Variants in MACROD2 observed in about 807,000 individuals in gnomAD.
MACROD2 encodes the protein mono-ADP ribosylhydrolase 2.
A neutral mutation model predicts 70.4 loss-of-function variants in MACROD2; 36 were observed. The observed-to-expected ratio is 0.51, with a 90% CI of 0.39 to 0.68. The LOEUF (loss-of-function observed/expected upper bound fraction) is 0.68. MACROD2 is among the 30% of genes least tolerant of loss of function. MACROD2 has a pLI of 0.00. For missense variants in MACROD2, 496 were observed against 538.4 expected, an observed-to-expected ratio of 0.92 and a Z score of 0.78; for synonymous variants, 172 against 178.8, an observed-to-expected ratio of 0.96 and a Z score of 0.30.
At chr20:14,588,857 T>C (rs543805466) in intron 4 of MACROD2, among the ~76,000 whole-genome samples, 20 of 152,354 alleles carry the variant, frequency 1.3e-4, no homozygotes, top group African/African-American at 4.6e-4. Context: ...TCACAGCTTT[T>C]GATATGTTTC....
intron 5 of MACROD2, among the ~76,000 whole-genome samples, chr20:14,752,465 CT>C (rs1174471630): frequency 2.0e-5 from 3 of 151,954 alleles, no homozygotes; most frequent in Non-Finnish European, 4.4e-5. Flanking sequence ...TGGAATGTAT[CT>C]GCTTCTTTCT....
At chr20:14,958,392 G>C (rs1392355155) in intron 5 of MACROD2, among the ~76,000 whole-genome samples, 2 of 152,158 alleles carry the variant, frequency 1.3e-5, no homozygotes, top group Non-Finnish European at 1.5e-5. Context: ...TTTCCGTTCA[G>C]ATTTCTTCTT....
At chr20:15,484,042 C>CTTTTATTTTATTTTA (rs3071258) in intron 7 of MACROD2, among the ~76,000 whole-genome samples, 19,213 of 136,184 alleles carry the variant, frequency 0.14, 1,553 homozygotes, top group South Asian at 0.23. Flanking sequence ...ATCATTATGC[C>CTTTTATTTTATTTTA]TTTTATTTTA....
At chr20:14,377,230 T>C (rs1276843029) in intron 3 of MACROD2, among the ~76,000 whole-genome samples, 1 of 152,220 alleles carries the variant, frequency 6.6e-6, no homozygotes, top group South Asian at 2.1e-4. Flanking sequence ...TAGCTTGTAC[T>C]CTTATTGCTA....
intron 4 of MACROD2, among the ~76,000 whole-genome samples, chr20:14,642,960 C>T (rs946256698): frequency 3.3e-5 from 5 of 151,310 alleles, no homozygotes; most frequent in African/African-American, 1.2e-4. Context: ...ATGCAGTATC[C>T]GTGGAGCACA....
intron 8 of MACROD2, among the ~76,000 whole-genome samples, chr20:15,560,057 C>G (rs1199448503): frequency 6.6e-6 from 1 of 152,226 alleles, no homozygotes; most frequent in African/African-American, 2.4e-5. Context: ...ATCCATGTCA[C>G]TTTCTGCCTC....
chr20:15,656,020 T>A (rs559473423), intron 8 of MACROD2, among the ~76,000 whole-genome samples: 1 of 152,216 alleles, frequency 6.6e-6, no homozygotes, highest in Admixed American at 6.5e-5. Context: ...ACAGACACCA[T>A]CTCCATTTCT....
intron 5 of MACROD2, among the ~76,000 whole-genome samples, chr20:14,932,451 G>C (rs1418565648): frequency 6.6e-6 from 1 of 152,122 alleles, no homozygotes; most frequent in East Asian, 1.9e-4. Flanking sequence ...AAAAAAACCT[G>C]TTAAAAGTTA....
At chr20:14,762,193 C>T (rs1568781290) in intron 5 of MACROD2, among the ~76,000 whole-genome samples, 2 of 152,072 alleles carry the variant, frequency 1.3e-5, no homozygotes, top group Non-Finnish European at 2.9e-5. Flanking sequence ...ACTTTTATGC[C>T]CGCCAGGGTC....
chr20:14,620,211 G>A lies in MACROD2; in HGVS notation c.302-64632G>A, dbSNP rs555574318. ...CATAAGGATGATGTGCCACTTCCAT[G>A]TTGAAGCTTCAAAATCTAGCGTGCA... is the stretch of plus-strand genomic sequence containing the variant. On this transcript the variant is annotated intron_variant, in intron 4 of 17. Coordinates refer to ENST00000684519, the MANE Select transcript of MACROD2 (RefSeq NM_001351661.2). 2.6e-5 allele frequency among the ~76,000 whole-genome samples: 4 copies of A among 152,050 alleles called. No homozygotes were observed. In the South Asian group the frequency reaches 8.3e-4, roughly 32 times the overall value.
intron 5 of MACROD2, among the ~76,000 whole-genome samples, chr20:14,732,813 G>C (rs1486635480): frequency 6.6e-6 from 1 of 151,912 alleles, no homozygotes; most frequent in Non-Finnish European, 1.5e-5. Flanking sequence ...TAGGCCCCTA[G>C]GAGTTCTTAT....
chr20:15,616,474 T>G (rs1387503063), intron 8 of MACROD2, among the ~76,000 whole-genome samples: 1 of 152,176 alleles, frequency 6.6e-6, no homozygotes, highest in African/African-American at 2.4e-5. Flanking sequence ...CCTTTACATT[T>G]GGGCTGAAAC....
intron 2 of MACROD2, among the ~76,000 whole-genome samples, chr20:14,049,831 C>T (rs1036259471): frequency 6.6e-6 from 1 of 152,002 alleles, no homozygotes; most frequent in Non-Finnish European, 1.5e-5. Flanking sequence ...CGCCTGTAAT[C>T]CCAGCTCTTT....
intron 6 of MACROD2, among the ~76,000 whole-genome samples, chr20:15,323,922 C>T (rs1024141771): frequency 6.6e-6 from 1 of 152,058 alleles, no homozygotes; most frequent in Non-Finnish European, 1.5e-5. Context: ...AGGCCCTTTC[C>T]AGTTCATCCC....
chr20:14,955,161 T>C (rs914230457), intron 5 of MACROD2, among the ~76,000 whole-genome samples: 1 of 130,208 alleles, frequency 7.7e-6, no homozygotes, highest in Non-Finnish European at 1.6e-5. Context: ...ATGTACTTTA[T>C]ATAATTTATA....
chr20:15,997,634 A>C (rs1292933040), intron 15 of MACROD2, among the ~76,000 whole-genome samples: 1 of 152,144 alleles, frequency 6.6e-6, no homozygotes, highest in Non-Finnish European at 1.5e-5. Context: ...GTCATCTATA[A>C]ACAGAGAAAA....
intron 3 of MACROD2, among the ~76,000 whole-genome samples, chr20:14,140,808 A>C (rs1468048438): frequency 6.6e-6 from 1 of 152,112 alleles, no homozygotes; most frequent in African/African-American, 2.4e-5. Context: ...AATGATTATC[A>C]GTGGTATCGG....
At chr20:15,957,916 G>A (rs2066000571) in intron 12 of MACROD2, among the ~76,000 whole-genome samples, 2 of 152,200 alleles carry the variant, frequency 1.3e-5, no homozygotes, top group Non-Finnish European at 2.9e-5. Flanking sequence ...AAGAGATGTG[G>A]TGTTCCACAC....
intron 6 of MACROD2, among the ~76,000 whole-genome samples, chr20:15,362,992 G>A (rs970298658): frequency 3.5e-5 from 4 of 113,284 alleles, no homozygotes; most frequent in Non-Finnish European, 5.5e-5. Flanking sequence ...AAGAAAGAAG[G>A]AAGAAAGGAA....
Sources: gnomAD v4.1 joint callset for allele counts (sites outside exome capture counted in the v4.1 genomes callset) on GRCh38, gnomAD v4.1.1 for gene constraint, MANE v1.5 for transcripts, NCBI Gene and HGNC (gene_info 2026-07-23, HGNC 2026-07-21) for gene names.